TMEM135: variants seen among roughly 807,000 people sequenced by gnomAD.
The protein encoded by TMEM135 is peroxisomal membrane protein 52.
In TMEM135, 30 loss-of-function variants were observed where a neutral mutation model predicts 60.3. The observed-to-expected ratio is 0.50, with a 90% CI of 0.37 to 0.68. The LOEUF (loss-of-function observed/expected upper bound fraction) is 0.68. TMEM135 is among the 30% of genes least tolerant of loss of function. TMEM135 has a pLI of 0.00. For missense variants in TMEM135, 468 were observed against 548.8 expected, an observed-to-expected ratio of 0.85 and a Z score of 1.47; for synonymous variants, 190 against 186.7, an observed-to-expected ratio of 1.02 and a Z score of -0.14.
At chr11:87,265,900 G>A (rs1190341870) in intron 6 of TMEM135, among the ~76,000 whole-genome samples, 1 of 152,104 alleles carries the variant, frequency 6.6e-6, no homozygotes, top group Non-Finnish European at 1.5e-5. Flanking sequence ...TTCTGAGAAA[G>A]TAATTTAAGA....
intron 5 of TMEM135, among the ~76,000 whole-genome samples, chr11:87,228,681 T>C (rs144222405): frequency 2.0e-5 from 3 of 152,228 alleles, no homozygotes; most frequent in Admixed American, 6.5e-5. Context: ...AAAAATCAAA[T>C]AATCAAATAC....
chr11:87,103,097 A>G (rs578247890), intron 4 of TMEM135, among the ~76,000 whole-genome samples: 7 of 152,104 alleles, frequency 4.6e-5, no homozygotes, highest in South Asian at 4.2e-4. Flanking sequence ...GGTTGATTCC[A>G]TGTCTTGGTT....
rs150597223 is a variant in TMEM135 at position 87,057,872 on chromosome 11, G to A, written c.142-9822G>A. On this transcript the variant is annotated intron_variant, in intron 1 of 14. Transcript: ENST00000305494. The stretch of plus-strand genomic sequence containing the variant: ...TCACAATTTTGGAGGCTTAATAAAT[G>A]CCAAGATCTGCAGTTGGCATGCTGG... Among the ~76,000 whole-genome samples the A allele has an allele frequency of 4.0e-5, 6 of 151,882 alleles. No homozygotes were observed. In the East Asian group the frequency reaches 1.2e-3, roughly 30 times the overall value.
intron 5 of TMEM135, among the ~76,000 whole-genome samples, chr11:87,224,239 T>G (rs1940717297): frequency 1.3e-5 from 2 of 152,212 alleles, no homozygotes; most frequent in Admixed American, 1.3e-4. Context: ...TTAAACTGGC[T>G]ATCAATATAC....
intron 4 of TMEM135, among the ~76,000 whole-genome samples, chr11:87,107,403 A>G (rs957061934): frequency 2.7e-5 from 4 of 149,096 alleles, no homozygotes; most frequent in African/African-American, 4.9e-5. Flanking sequence ...TCCTAATGCT[A>G]TCCATCCCCC....
intron 4 of TMEM135, among the ~76,000 whole-genome samples, chr11:87,099,871 C>T (rs542331341): frequency 9.2e-5 from 14 of 151,764 alleles, no homozygotes; most frequent in South Asian, 6.3e-4. Context: ...TTAGTAGAGA[C>T]GGGGTTTCAC....
At chr11:87,127,619 A>T (rs1937773272) in intron 4 of TMEM135, among the ~76,000 whole-genome samples, 1 of 152,196 alleles carries the variant, frequency 6.6e-6, no homozygotes, top group South Asian at 2.1e-4. Context: ...CCAATTTAGG[A>T]TGTTAGTCTT....
At chr11:87,108,715 C>T (rs1857662498) in intron 4 of TMEM135, among the ~76,000 whole-genome samples, 1 of 152,110 alleles carries the variant, frequency 6.6e-6, no homozygotes, top group South Asian at 2.1e-4. Context: ...TTTGCTGCAT[C>T]CCATAAATTT....
chr11:87,066,957 T>C (rs1453194449), intron 1 of TMEM135, among the ~76,000 whole-genome samples: 2 of 151,320 alleles, frequency 1.3e-5, no homozygotes, highest in Non-Finnish European at 2.9e-5. Flanking sequence ...ATTTTTTGTA[T>C]TTTTAGGAGA....
chr11:87,066,444 C>T (rs993844139), intron 1 of TMEM135, among the ~76,000 whole-genome samples: 1 of 152,134 alleles, frequency 6.6e-6, no homozygotes, highest in East Asian at 1.9e-4. Context: ...ATATATCTTG[C>T]ACATATTATG....
intron 6 of TMEM135, among the ~76,000 whole-genome samples, chr11:87,289,422 C>T (rs892618066): frequency 1.5e-5 from 2 of 133,732 alleles, no homozygotes; most frequent in Admixed American, 7.8e-5. Flanking sequence ...TATCCTTTAA[C>T]AAATATCTCC....
At chr11:87,060,165 G>A (rs10898589) in intron 1 of TMEM135, among the ~76,000 whole-genome samples, 12,953 of 152,212 alleles carry the variant, frequency 0.085, 615 homozygotes, top group East Asian at 0.17. Flanking sequence ...AAGGAAGAGG[G>A]TAAAGTTAAT....
At chr11:87,116,605 A>G (rs538194354) in intron 4 of TMEM135, among the ~76,000 whole-genome samples, 3 of 145,760 alleles carry the variant, frequency 2.1e-5, no homozygotes, top group Non-Finnish European at 4.5e-5. Context: ...TTTATAGTAT[A>G]TATGTACAAA....
At chr11:87,156,324 G>GT (rs1938694554) in intron 4 of TMEM135, among the ~76,000 whole-genome samples, 1 of 152,140 alleles carries the variant, frequency 6.6e-6, no homozygotes, top group East Asian at 1.9e-4. Flanking sequence ...CTTTTTTCAA[G>GT]TTTGTTTTGT....
At chr11:87,080,522 T>G (rs943502756) in intron 3 of TMEM135, among the ~76,000 whole-genome samples, 1 of 152,232 alleles carries the variant, frequency 6.6e-6, no homozygotes, top group Non-Finnish European at 1.5e-5. Context: ...TGTCTATTTC[T>G]CTTTTTAATG....
At chr11:87,159,617 A>ACACACACACACACCCCCCCCCC (rs140303858) in intron 5 of TMEM135, among the ~76,000 whole-genome samples, 2 of 149,456 alleles carry the variant, frequency 1.3e-5, no homozygotes, top group African/African-American at 5.0e-5. Context: ...ACACACACAC[A>ACACACACACACACCCCCCCCCC]CCATAGATTT....
chr11:87,197,684 G>A (rs919101486), intron 5 of TMEM135, among the ~76,000 whole-genome samples: 3 of 151,896 alleles, frequency 2.0e-5, no homozygotes, highest in Admixed American at 6.5e-5. Flanking sequence ...GAGGCTATGC[G>A]TTGGCATGAG....
chr11:87,143,304 G>A (rs1447161227), intron 4 of TMEM135, among the ~76,000 whole-genome samples: 1 of 149,392 alleles, frequency 6.7e-6, no homozygotes, highest in Non-Finnish European at 1.5e-5. Context: ...CTTTGTTTTT[G>A]AAATGCAATA....
At chr11:87,075,888 GTCTC>G (rs34170606) in intron 3 of TMEM135, among the ~76,000 whole-genome samples, 61,663 of 150,848 alleles carry the variant, frequency 0.41, 13,687 homozygotes, top group East Asian at 0.65. Context: ...AATAAACAGG[GTCTC>G]TCTCTCTCTC....
Sources: gnomAD v4.1 joint callset for allele counts (sites outside exome capture counted in the v4.1 genomes callset) on GRCh38, gnomAD v4.1.1 for gene constraint, MANE v1.5 for transcripts, NCBI Gene and HGNC (gene_info 2026-07-23, HGNC 2026-07-21) for gene names.